Variants in TMEM181 observed in about 807,000 individuals in gnomAD.
TMEM181 encodes the protein transmembrane protein 181.
Under a neutral mutation model 71.9 loss-of-function variants are expected in TMEM181, and 39 were observed. The observed-to-expected ratio is 0.54, with a 90% CI of 0.42 to 0.71. The LOEUF (loss-of-function observed/expected upper bound fraction) is 0.71. TMEM181 is among the 30% of genes least tolerant of loss of function. TMEM181 has a pLI of 0.00. For missense variants in TMEM181, 595 were observed against 583.0 expected, an observed-to-expected ratio of 1.02 and a Z score of -0.21; for synonymous variants, 245 against 228.8, an observed-to-expected ratio of 1.07 and a Z score of -0.64.
chr6:158,580,890 A>G (rs1341760390), intron 2 of TMEM181, 50 bp from the exon 3 acceptor site: 1 of 1,527,478 alleles, frequency 6.5e-7, no homozygotes, highest in Admixed American at 1.8e-5. Context: ...AAAATACTAA[A>G]TTATCAATAT....
intron 15 of TMEM181, among the ~76,000 whole-genome samples, chr6:158,630,544 A>G (rs1232311620): frequency 2.0e-5 from 3 of 152,128 alleles, no homozygotes; most frequent in Admixed American, 6.5e-5. Flanking sequence ...TTGCCCAACT[A>G]TAGGCTAATG....
intron 14 of TMEM181, among the ~76,000 whole-genome samples, chr6:158,629,238 T>G (rs925468665): frequency 1.3e-5 from 2 of 152,220 alleles, no homozygotes; most frequent in African/African-American, 4.8e-5. Flanking sequence ...AATATACGAT[T>G]TTTTCAAAGT....
intron 6 of TMEM181, among the ~76,000 whole-genome samples, chr6:158,590,908 C>T (rs953419150): frequency 1.1e-4 from 16 of 152,216 alleles, no homozygotes; most frequent in African/African-American, 3.9e-4. Context: ...TCTCTGTCCC[C>T]GTGGATTTGC....
intron 10 of TMEM181, chr6:158,611,044 G>A: frequency 2.2e-6 from 1 of 455,172 alleles, no homozygotes; most frequent in South Asian, 1.8e-5. Flanking sequence ...ATTTCTAAAT[G>A]AGAGAGTCAT....
chr6:158,628,132 A>T, intron 13 of TMEM181: 1 of 602,938 alleles, frequency 1.7e-6, no homozygotes, highest in Non-Finnish European at 3.1e-6. Context: ...GAGTAGGGAG[A>T]GTGTGATGGG....
chr6:158,573,351 G>T, intron 1 of TMEM181, 69 bp from the exon 2 acceptor site: 1 of 1,229,886 alleles, frequency 8.1e-7, no homozygotes. Flanking sequence ...GGGTGTTGCT[G>T]CAGGGCCGCT....
chr6:158,606,595 A>G (rs147897894), intron 7 of TMEM181, among the ~76,000 whole-genome samples: 163 of 152,380 alleles, frequency 1.1e-3, no homozygotes, highest in African/African-American at 3.4e-3. Flanking sequence ...TACGAAAACA[A>G]TCAACAACAA....
At chr6:158,629,076 G>A (rs1786515188) in intron 14 of TMEM181, among the ~76,000 whole-genome samples, 1 of 152,220 alleles carries the variant, frequency 6.6e-6, no homozygotes, top group Non-Finnish European at 1.5e-5. Flanking sequence ...GTGGCGCAGG[G>A]CTGTTGCCTC....
chr6:158,543,206 T>C (rs567001183), intron 1 of TMEM181, among the ~76,000 whole-genome samples: 78 of 152,154 alleles, frequency 5.1e-4, no homozygotes, highest in Non-Finnish European at 9.4e-4. Flanking sequence ...CACGTCTCGC[T>C]CTGAATTGAG....
At chr6:158,611,432 T>A (rs1349076338) in intron 10 of TMEM181, 2 of 538,956 alleles carry the variant, frequency 3.7e-6, no homozygotes, top group African/African-American at 3.9e-5. Flanking sequence ...GATGTCGAAG[T>A]CTATCCGTCT....
intron 1 of TMEM181, among the ~76,000 whole-genome samples, chr6:158,569,809 A>G (rs574467603): frequency 5.9e-5 from 9 of 152,170 alleles, no homozygotes; most frequent in African/African-American, 1.7e-4. Context: ...CATGTTGGCC[A>G]AGGCTGGTCC....
chr6:158,617,166 T>C (rs968555809), intron 10 of TMEM181, among the ~76,000 whole-genome samples: 1 of 152,196 alleles, frequency 6.6e-6, no homozygotes, highest in Non-Finnish European at 1.5e-5. Flanking sequence ...TCAGAGCCTG[T>C]TATTGGTCTA....
At chr6:158,563,810 C>T (rs914702521) in intron 1 of TMEM181, among the ~76,000 whole-genome samples, 2 of 152,136 alleles carry the variant, frequency 1.3e-5, no homozygotes, top group Admixed American at 6.5e-5. Flanking sequence ...AATAGCTTTG[C>T]GAACTCTGTT....
Position 158,631,355 on chromosome 6 carries a change from A to C in TMEM181, c.1315A>C (p.Met439Leu), listed in dbSNP as rs748863340. Residue 439 changes from methionine (M) to leucine (L), a missense_variant, in exon 16 of 17, where the codon ATG becomes CTG. Transcript: ENST00000684151. ...SQLKDNPAFSMLNDSDDDVIY... is the reference protein window; with the variant it reads ...SQLKDNPAFSLLNDSDDDVIY... The stretch of plus-strand genomic sequence containing the variant: ...GCTGAAAGACAATCCTGCCTTCTCC[A>C]TGCTGAATGACTCGGATGATGATGT... 5.0e-6 allele frequency: 8 copies of C among 1,614,098 alleles called. No individual in the cohort carries two copies. The East Asian group carries it at 1.8e-4, about 36-fold the overall frequency.
intron 1 of TMEM181, among the ~76,000 whole-genome samples, chr6:158,546,063 TATAAACCC>T (rs1333111860): frequency 4.6e-5 from 7 of 152,196 alleles, no homozygotes; most frequent in Non-Finnish European, 1.0e-4. Flanking sequence ...GTTTCTGATG[TATAAACCC>T]ATGCTCTTCG....
intron 10 of TMEM181, chr6:158,611,271 GGCTGGTCCTTCACTCCTA>G (rs1785291285): frequency 4.0e-6 from 2 of 497,508 alleles, no homozygotes; most frequent in East Asian, 5.8e-5. Context: ...TCTCAGTCTT[GGCTGGTCCTTCACTCCTA>G]GCTGGTCCTT....
intron 10 of TMEM181, among the ~76,000 whole-genome samples, chr6:158,614,015 C>G (rs886648651): frequency 6.6e-6 from 1 of 152,144 alleles, no homozygotes; most frequent in Admixed American, 6.5e-5. Context: ...TGATTAATAG[C>G]ACATATTTAG....
At chr6:158,581,201 G>A (rs1431639034) in intron 3 of TMEM181, among the ~76,000 whole-genome samples, 1 of 152,210 alleles carries the variant, frequency 6.6e-6, no homozygotes, top group African/African-American at 2.4e-5. Flanking sequence ...AAACACCTCA[G>A]TACTTAGGAA....
chr6:158,596,928 A>G (rs763408042), intron 6 of TMEM181, among the ~76,000 whole-genome samples: 9 of 152,220 alleles, frequency 5.9e-5, no homozygotes, highest in Non-Finnish European at 1.2e-4. Context: ...TCTGGGAGAT[A>G]TAATTCAAGT....
Sources: gnomAD v4.1 joint callset for allele counts (sites outside exome capture counted in the v4.1 genomes callset) on GRCh38, gnomAD v4.1.1 for gene constraint, MANE v1.5 for transcripts, NCBI Gene and HGNC (gene_info 2026-07-23, HGNC 2026-07-21) for gene names.